Variants in NT5E observed in about 807,000 individuals in gnomAD.
NT5E encodes the protein 5'-nucleotidase ecto, also known as 5'-nucleotidase.
A neutral mutation model predicts 55.1 loss-of-function variants in NT5E; 53 were observed. The ratio of observed to expected loss-of-function variants is 0.96; its 90% CI spans 0.77 to 1.21. NT5E has a LOEUF of 1.21. Ranked by LOEUF, NT5E falls within the 50% of genes most tolerant of loss-of-function variation. The pLI is 0.00. For synonymous variants in NT5E, 270 were observed against 278.4 expected, an observed-to-expected ratio of 0.97 and a Z score of 0.30; for missense variants, 683 against 724.3, an observed-to-expected ratio of 0.94 and a Z score of 0.65.
chr6:85,460,492 C>A (rs1360953477), intron 1 of NT5E, among the ~76,000 whole-genome samples: 1 of 152,178 alleles, frequency 6.6e-6, no homozygotes, highest in Non-Finnish European at 1.5e-5. Context: ...AGAGGTAATA[C>A]TTTTAGATAA....
intron 1 of NT5E, among the ~76,000 whole-genome samples, chr6:85,456,557 C>T (rs1768995725): frequency 2.0e-5 from 3 of 152,086 alleles, no homozygotes; most frequent in Non-Finnish European, 4.4e-5. Flanking sequence ...GGTGTCCACA[C>T]AGAATTGGGG....
At chr6:85,493,771 C>G in intron 8 of NT5E, 70 bp from the exon 9 acceptor site, 1 of 1,359,182 alleles carries the variant, frequency 7.4e-7, no homozygotes, top group Non-Finnish European at 1.0e-6. Context: ...TTTATAATTA[C>G]AAAGGACTAC....
intron 1 of NT5E, among the ~76,000 whole-genome samples, chr6:85,463,074 C>A (rs1001754403): frequency 1.3e-5 from 2 of 151,758 alleles, no homozygotes; most frequent in Non-Finnish European, 2.9e-5. Context: ...ATCATCAATT[C>A]TTTTTTTAAA....
At chr6:85,475,247 G>T (rs1769405694) in intron 3 of NT5E, among the ~76,000 whole-genome samples, 1 of 152,086 alleles carries the variant, frequency 6.6e-6, no homozygotes, top group South Asian at 2.1e-4. Flanking sequence ...CATATTTTCT[G>T]TTCTGTTATT....
chr6:85,466,884 C>T (rs965144551), intron 1 of NT5E, among the ~76,000 whole-genome samples, 176 bp from the exon 2 acceptor site: 3 of 152,152 alleles, frequency 2.0e-5, no homozygotes, highest in African/African-American at 4.8e-5. Flanking sequence ...GGTGTGACAC[C>T]TGGGTAGCAA....
intron 3 of NT5E, 112 bp from the exon 4 acceptor site, chr6:85,485,123 G>GATGGC (rs1769622471): frequency 9.8e-7 from 1 of 1,017,960 alleles, no homozygotes; most frequent in African/African-American, 1.6e-5. Context: ...TAGAGCAACA[G>GATGGC]ATGGCAAATC....
intron 6 of NT5E, among the ~76,000 whole-genome samples, chr6:85,489,975 A>C (rs980814207): frequency 1.3e-4 from 20 of 152,250 alleles, no homozygotes; most frequent in Non-Finnish European, 1.0e-4. Flanking sequence ...TCTGTCCTGA[A>C]AAAGACATAC....
At chr6:85,476,067 G>T (rs781054036) in intron 3 of NT5E, among the ~76,000 whole-genome samples, 9 of 152,038 alleles carry the variant, frequency 5.9e-5, no homozygotes, top group Non-Finnish European at 8.8e-5. Flanking sequence ...AATGTCCCAC[G>T]TCACTGAGAA....
At position 85,450,444 on chromosome 6, in the gene NT5E, C is replaced by A. The variant is rs1481054030; in HGVS notation, c.305C>A (p.Ala102Glu). ...ACCGTGTACAAGGGCGCCGAGGTGG[C>A]GCACTTCATGAACGCCCTGCGCTAC... is the stretch of plus-strand genomic sequence containing the variant. ...WFTVYKGAEV[A>E]HFMNALRYDA... Residue 102 changes from alanine (A) to glutamate (E), a missense_variant, in exon 1 of 9, where the codon GCG becomes GAG. Coordinates refer to ENST00000257770, the MANE Select transcript of NT5E (RefSeq NM_002526.4). This position sits in a 1 kb window ranked among gnomAD's most constrained non-coding sequence, Gnocchi z 4.0. 2.4e-5 allele frequency: 38 copies of A among 1,600,856 alleles called. No individual in the cohort carries two copies. Among genetic ancestry groups the A allele is most frequent in the Non-Finnish European group, 3.2e-5 (38 of 1,174,928 alleles).
chr6:85,475,223 G>A (rs4291072), intron 3 of NT5E, among the ~76,000 whole-genome samples: 1 of 152,074 alleles, frequency 6.6e-6, no homozygotes, highest in African/African-American at 2.4e-5. Flanking sequence ...TCCAAAGCTC[G>A]TGGATTGCAC....
chr6:85,461,315 T>C (rs923312351), intron 1 of NT5E, among the ~76,000 whole-genome samples: 25 of 152,126 alleles, frequency 1.6e-4, no homozygotes, highest in African/African-American at 6.0e-4. Flanking sequence ...GGAAAAAAGG[T>C]TACAAAACAC....
chr6:85,494,020 G>A lies in NT5E; in HGVS notation c.*16G>A. 2 of 1,613,142 alleles carry A rather than the reference G, an allele frequency of 1.2e-6. No individual in the cohort carries two copies. Among genetic ancestry groups the A allele is most frequent in the Non-Finnish European group, 1.7e-6 (2 of 1,179,524 alleles). On this transcript the variant is annotated 3_prime_UTR_variant, in exon 9 of 9. Coordinates refer to ENST00000257770, the MANE Select transcript of NT5E (RefSeq NM_002526.4). ...ATACCAATAGCCAAAAATTCTCCTTGCCTTTAATGTGTGAAACTGCATTTT... is the reference window on the plus strand; with the variant it reads ...ATACCAATAGCCAAAAATTCTCCTTACCTTTAATGTGTGAAACTGCATTTT...
intron 1 of NT5E, among the ~76,000 whole-genome samples, chr6:85,462,217 T>A (rs1769111823): frequency 6.6e-6 from 1 of 151,656 alleles, no homozygotes; most frequent in Non-Finnish European, 1.5e-5. Flanking sequence ...CTCACACAAC[T>A]CCCATCCATT....
At position 85,487,505 on chromosome 6, in the gene NT5E, G is replaced by A; in HGVS notation, c.1104+16G>A. On this transcript the variant is annotated intron_variant, in intron 5 of 8. Coordinates refer to ENST00000257770, the MANE Select transcript of NT5E (RefSeq NM_002526.4). ...TGATGCAATGGTAAGTCATCAGCAG[G>A]AGTGGACATATGCTAGGGAGGAAGG... 1 of 1,614,086 alleles carries A rather than the reference G, an allele frequency of 6.2e-7. No homozygotes were observed. The highest frequency in any genetic ancestry group is 8.5e-7 in the Non-Finnish European group (1 of 1,179,952).
chr6:85,470,069 G>A (rs1769272951), intron 2 of NT5E, among the ~76,000 whole-genome samples: 2 of 152,156 alleles, frequency 1.3e-5, no homozygotes, highest in Admixed American at 1.3e-4. Flanking sequence ...TTTAGTGTTA[G>A]TTCTTAGAAA....
At chr6:85,491,645 CT>C (rs1308853553) in intron 7 of NT5E, among the ~76,000 whole-genome samples, 1 of 152,234 alleles carries the variant, frequency 6.6e-6, no homozygotes, top group Non-Finnish European at 1.5e-5. Context: ...TGATCTGTTT[CT>C]CACTTTCTAA....
chr6:85,483,011 G>T (rs917828563), intron 3 of NT5E, among the ~76,000 whole-genome samples: 3 of 152,220 alleles, frequency 2.0e-5, no homozygotes, highest in African/African-American at 7.2e-5. Context: ...GATCATGAAG[G>T]TCTTTCCAAA....
At chr6:85,463,081 T>A (rs531402077) in intron 1 of NT5E, among the ~76,000 whole-genome samples, 5 of 152,330 alleles carry the variant, frequency 3.3e-5, no homozygotes, top group African/African-American at 7.2e-5. Flanking sequence ...ATTCTTTTTT[T>A]AAAAATAGTG....
chr6:85,456,945 G>A (rs1769002991), intron 1 of NT5E, among the ~76,000 whole-genome samples: 1 of 152,170 alleles, frequency 6.6e-6, no homozygotes, highest in African/African-American at 2.4e-5. Context: ...GGTGCTGTGG[G>A]GTTTACAAGA....
Sources: gnomAD v4.1 joint callset for allele counts (sites outside exome capture counted in the v4.1 genomes callset) on GRCh38, gnomAD v4.1.1 for gene constraint, Gnocchi (gnomAD v3.1) non-coding constraint, MANE v1.5 for transcripts, NCBI Gene and HGNC (gene_info 2026-07-23, HGNC 2026-07-21) for gene names.